EML5: variants seen among roughly 807,000 people sequenced by gnomAD.
The protein encoded by EML5 is echinoderm microtubule-associated protein-like 5.
EML5 carries 120 observed loss-of-function variants against 250.0 expected under a neutral mutation model. That is an observed-to-expected ratio of 0.48 (90% CI 0.41 to 0.56). The LOEUF (loss-of-function observed/expected upper bound fraction) is 0.56. Among genes scored for constraint, EML5 ranks in the 20% least tolerant of loss-of-function variants. The pLI is 0.00. For missense variants in EML5, 2,006 were observed against 2,437.6 expected, an observed-to-expected ratio of 0.82 and a Z score of 3.73; for synonymous variants, 771 against 806.5, an observed-to-expected ratio of 0.96 and a Z score of 0.75.
chr14:88,613,248 T>G lies in EML5; in HGVS notation c.*2570A>C, dbSNP rs988924697. ...GTGCATAAGGCTGTTGTCTTCGGCT[T>G]GGGTGAAATGACAGTTCCTCTTCAT... On this transcript the variant is annotated 3_prime_UTR_variant, in exon 44 of 44. Transcript: ENST00000554922. 6 of 152,202 alleles carry G rather than the reference T, an allele frequency of 3.9e-5. No homozygotes were observed. The highest frequency in any genetic ancestry group is 1.4e-4 in the African/African-American group (6 of 41,456). The allele number at this position is 152,202 out of a possible 1,614,324, so 9.4% of individuals were successfully genotyped here.
At chr14:88,708,182 TATTA>T (rs1418358406) in intron 10 of EML5, among the ~76,000 whole-genome samples, 2 of 152,166 alleles carry the variant, frequency 1.3e-5, no homozygotes, top group Non-Finnish European at 2.9e-5. Flanking sequence ...AATGGGACTG[TATTA>T]ATTTTTTAAT....
At chr14:88,616,562 G>A in intron 42 of EML5, 164 bp downstream of exon 42, 1 of 707,068 alleles carries the variant, frequency 1.4e-6, no homozygotes, top group Non-Finnish European at 2.3e-6. Context: ...CGAGGGAGAG[G>A]ATTTGTTTCT....
Position 88,615,854 on chromosome 14 carries a change from G to A in EML5, c.5898C>T (p.Ser1966=). Reference sequence around the variant, plus strand: ...TATGTACACATTTCCAGACAAATAAGCTGCAATCAGAGAAGAAAATTGCAG... The same window carrying A: ...TATGTACACATTTCCAGACAAATAAACTGCAATCAGAGAAGAAAATTGCAG... ...HVVSAGGDDC[S]LFVWKCVHTP... The change falls in exon 44 of 44, where the codon AGC becomes AGT. Residue 1966 remains serine (S), a splice_region_variant and synonymous_variant. Coordinates refer to ENST00000554922, the MANE Select transcript of EML5 (RefSeq NM_183387.3). 1 of 1,611,000 alleles carries A rather than the reference G, an allele frequency of 6.2e-7. No individual in the cohort carries two copies. Among genetic ancestry groups the A allele is most frequent in the African/African-American group, 1.3e-5 (1 of 74,990 alleles).
At chr14:88,731,482 G>A (rs1218760084) in intron 7 of EML5, among the ~76,000 whole-genome samples, 1 of 152,036 alleles carries the variant, frequency 6.6e-6, no homozygotes, top group Non-Finnish European at 1.5e-5. Flanking sequence ...TGGACATTTG[G>A]GTTGGTTCCA....
At position 88,664,575 on chromosome 14, in the gene EML5, T is replaced by A; in HGVS notation, c.3327A>T (p.Ile1109=). Residue 1109 remains isoleucine (I), a synonymous_variant, in exon 23 of 44, where the codon ATA becomes ATT. Transcript: ENST00000554922. ...AVASHDSFID[I]YNVMSSKRVG... Reference sequence around the variant, plus strand: ...CTCGTTTACTACTCATTACATTGTATATATCTATAAAGCTGTCATGGGATG... The same window carrying A: ...CTCGTTTACTACTCATTACATTGTAAATATCTATAAAGCTGTCATGGGATG... The A allele has an allele frequency of 6.2e-7, 1 of 1,611,006 alleles. No individual in the cohort carries two copies. Among genetic ancestry groups the A allele is most frequent in the Non-Finnish European group, 8.5e-7 (1 of 1,178,838 alleles).
chr14:88,704,780 C>T lies in EML5; in HGVS notation c.2051+80G>A, dbSNP rs572947743. The T allele has an allele frequency of 4.4e-5, 43 of 980,024 alleles. 2 individuals are homozygous for T. The South Asian group carries it at 5.6e-4, about 13-fold the overall frequency. 60.7% of individuals were successfully genotyped at this position (980,024 alleles called of 1,614,324 possible). On this transcript the variant is annotated intron_variant, in intron 13 of 43. Transcript: ENST00000554922. ...GATATGTCATTTCAGGGGATACAGT[C>T]AGTTCTATCATTAGAGATGTTAAGC... is the stretch of plus-strand genomic sequence containing the variant.
At chr14:88,657,689 A>C (rs1460656412) in intron 26 of EML5, among the ~76,000 whole-genome samples, 187 bp from the exon 27 acceptor site, 2 of 152,206 alleles carry the variant, frequency 1.3e-5, no homozygotes, top group Non-Finnish European at 2.9e-5. Flanking sequence ...ATGTTTTCAA[A>C]GTATTACTAA....
rs559261804 is a variant in EML5, at chr14:88,737,165, T to G, written c.848-600A>C. ...GTGAGTACAGACAGAGCTGTAACCA[T>G]GCAGCACTCCCCTCCTACTCACCAA... is the stretch of plus-strand genomic sequence containing the variant. On this transcript the variant is annotated intron_variant, in intron 6 of 43. Coordinates refer to ENST00000554922, the MANE Select transcript of EML5 (RefSeq NM_183387.3). 2.6e-3 allele frequency among the ~76,000 whole-genome samples: 397 copies of G among 152,288 alleles called. 4 individuals are homozygous for G. Among genetic ancestry groups the G allele is most frequent in the African/African-American group, 9.3e-3 (386 of 41,562 alleles).
intron 20 of EML5, 21 bp downstream of exon 20, chr14:88,684,993 AC>A (rs2092800331): frequency 1.0e-5 from 16 of 1,585,958 alleles, no homozygotes; most frequent in Non-Finnish European, 1.4e-5. Flanking sequence ...AGAAAAAAAA[AC>A]AAATTAGCAT....
intron 15 of EML5, 36 bp from the exon 16 acceptor site, chr14:88,695,490 T>C: frequency 6.5e-7 from 1 of 1,549,614 alleles, no homozygotes. Flanking sequence ...AACTGACTAT[T>C]AACATTCAGA....
intron 2 of EML5, among the ~76,000 whole-genome samples, chr14:88,749,155 C>A (rs1163640446): frequency 6.6e-6 from 1 of 152,072 alleles, no homozygotes; most frequent in Non-Finnish European, 1.5e-5. Context: ...CTGAAGCCAT[C>A]GCTAAAGGGC....
At chr14:88,703,045 C>A (rs1367455788) in intron 13 of EML5, among the ~76,000 whole-genome samples, 1 of 151,940 alleles carries the variant, frequency 6.6e-6, no homozygotes, top group Non-Finnish European at 1.5e-5. Context: ...CCATGCCCAG[C>A]CTGAACAATT....
rs2087190121 is a variant in EML5, at chr14:88,613,851, A to G, written c.*1967T>C. On this transcript the variant is annotated 3_prime_UTR_variant, in exon 44 of 44. Coordinates refer to ENST00000554922, the MANE Select transcript of EML5 (RefSeq NM_183387.3). The stretch of plus-strand genomic sequence containing the variant: ...GGTTAAAAAAGTAAACATAGGGCAG[A>G]TTCTATATGGCCTATCATGTTTCTT... 1 of 152,210 alleles carries G rather than the reference A, an allele frequency of 6.6e-6. No individual in the cohort carries two copies. The highest frequency in any genetic ancestry group is 2.4e-5 in the African/African-American group (1 of 41,456). The allele number at this position is 152,210 out of a possible 1,614,324, so 9.4% of individuals were successfully genotyped here. A position where few individuals can be genotyped will look rare whatever the true frequency, so the allele number is the denominator to read the frequency against.
intron 17 of EML5, 76 bp downstream of exon 17, chr14:88,694,231 C>G: frequency 1.0e-6 from 1 of 982,200 alleles, no homozygotes; most frequent in South Asian, 1.4e-5. Context: ...AGGGTACACA[C>G]TGCACTTAGC....
At chr14:88,626,779 C>A in intron 35 of EML5, 59 bp downstream of exon 35, 1 of 1,550,928 alleles carries the variant, frequency 6.4e-7, no homozygotes, top group South Asian at 1.1e-5. Flanking sequence ...GGCTGATGAT[C>A]TAAGGCAAGA....
At chr14:88,659,654 C>T (rs953003755) in intron 25 of EML5, among the ~76,000 whole-genome samples, 2 of 147,644 alleles carry the variant, frequency 1.4e-5, no homozygotes, top group African/African-American at 5.0e-5. Context: ...AGAACCTATT[C>T]CTAAGGGATC....
intron 4 of EML5, among the ~76,000 whole-genome samples, chr14:88,742,504 T>C (rs1248859773): frequency 2.0e-5 from 3 of 152,214 alleles, no homozygotes; most frequent in Admixed American, 6.5e-5. Flanking sequence ...ATGTAACTCA[T>C]TATAAAAATA....
chr14:88,734,896 T>TA (rs761792677), intron 7 of EML5, among the ~76,000 whole-genome samples: 2 of 152,100 alleles, frequency 1.3e-5, no homozygotes, highest in Non-Finnish European at 2.9e-5. Context: ...TGAAAAGACA[T>TA]ATCAGCAAAC....
chr14:88,685,240 A>G (rs1394108667), intron 19 of EML5, 98 bp from the exon 20 acceptor site: 1 of 1,020,416 alleles, frequency 9.8e-7, no homozygotes, highest in Non-Finnish European at 1.4e-6. Flanking sequence ...TGAAAATCAC[A>G]TTACAAGGTT....
Sources: gnomAD v4.1 joint callset for allele counts (sites outside exome capture counted in the v4.1 genomes callset) on GRCh38, gnomAD v4.1.1 for gene constraint, MANE v1.5 for transcripts, NCBI Gene and HGNC (gene_info 2026-07-23, HGNC 2026-07-21) for gene names.